The following TMEM218 variants were observed in gnomAD, a reference collection of about 807,000 sequenced individuals.
TMEM218 encodes the protein transmembrane protein 218.
TMEM218 carries 8 observed loss-of-function variants against 10.0 expected under a neutral mutation model. The observed-to-expected ratio is 0.80, with a 90% CI of 0.47 to 1.44. The LOEUF (loss-of-function observed/expected upper bound fraction) is 1.44, where lower values mean the gene tolerates loss of function less well. Among genes scored for constraint, TMEM218 ranks in the 40% most tolerant of loss-of-function variants. The pLI is 0.00. For synonymous variants in TMEM218, 66 were observed against 63.5 expected (o/e 1.04, Z -0.18); for missense variants, 110 against 140.1 (o/e 0.79, Z 1.08).
chr11:125,105,813 T>G (rs1951992102), intron 1 of TMEM218, among the ~76,000 whole-genome samples: 1 of 150,286 alleles, frequency 6.7e-6, no homozygotes, highest in Non-Finnish European at 1.5e-5. Context: ...TCAGTGGGTG[T>G]GAGGTGGGTG....
chr11:125,098,875 T>A (rs1252237725), intron 4 of TMEM218, among the ~76,000 whole-genome samples: 1 of 152,090 alleles, frequency 6.6e-6, no homozygotes, highest in Non-Finnish European at 1.5e-5. Context: ...TCACTGGCTC[T>A]GAAGATGGAG....
chr11:125,095,225 G>A lies in TMEM218; in HGVS notation c.*2381C>T, dbSNP rs1293683920. Among the ~76,000 whole-genome samples the A allele has an allele frequency of 6.6e-6, 1 of 152,126 alleles. No homozygotes were observed. Among genetic ancestry groups the A allele is most frequent in the Non-Finnish European group, 1.5e-5 (1 of 68,008 alleles). ...ACTCTCCCTCTCCACCTTCTAAACA[G>A]TGGGGATCACCAGTCTGCCACAGGA... On this transcript the variant is annotated 3_prime_UTR_variant, in exon 5 of 5. Coordinates refer to ENST00000682305, the MANE Select transcript of TMEM218 (RefSeq NM_001258244.2).
At chr11:125,110,369 A>G (rs981929376) in intron 1 of TMEM218, 42 of 152,224 alleles carry the variant, frequency 2.8e-4, no homozygotes, top group African/African-American at 9.9e-4. Flanking sequence ...GCAGCTGACA[A>G]CAAAAGCAAC....
intron 1 of TMEM218, among the ~76,000 whole-genome samples, chr11:125,107,590 C>T (rs1376015062): frequency 6.6e-6 from 1 of 151,926 alleles, no homozygotes; most frequent in African/African-American, 2.4e-5. Flanking sequence ...TATATGCATA[C>T]ACACGTAGCA....
In TMEM218 at chr11:125,102,152, G is replaced by A; in HGVS notation, c.90C>T (p.Ser30=). ...CTTACCTCGCCGCCCCGGAGGCTCTGGACAGCAGCACACACAGCAGCAGCA... is the reference window on the plus strand; with the variant it reads ...CTTACCTCGCCGCCCCGGAGGCTCTAGACAGCAGCACACACAGCAGCAGCA... ...VAVLLLCVLL[S]RASGAARFSV... The change falls in exon 3 of 5, where the codon TCC becomes TCT. Residue 30 remains serine (S), a synonymous_variant. Transcript: ENST00000682305. 1 of 1,595,438 alleles carries A rather than the reference G, an allele frequency of 6.3e-7. No homozygotes were observed. The highest frequency in any genetic ancestry group is 8.5e-7 in the Non-Finnish European group (1 of 1,172,536).
chr11:125,110,717 C>T (rs367915245), intron 1 of TMEM218: 20 of 152,312 alleles, frequency 1.3e-4, no homozygotes, highest in African/African-American at 4.8e-4. Flanking sequence ...ATATCTCACC[C>T]ATCCCCCGAT....
chr11:125,100,760 C>T (rs1266665563), intron 4 of TMEM218, among the ~76,000 whole-genome samples: 1 of 152,296 alleles, frequency 6.6e-6, no homozygotes, highest in Admixed American at 6.5e-5. Flanking sequence ...AGAAGCATGT[C>T]CTCAGCACCC....
intron 3 of TMEM218, 70 bp downstream of exon 3, chr11:125,102,061 GT>G: frequency 2.1e-6 from 3 of 1,439,892 alleles, no homozygotes; most frequent in Non-Finnish European, 2.7e-6. Flanking sequence ...AATTCTAAAT[GT>G]TTAGTGAGCA....
rs1443686582 is a variant in TMEM218, at chr11:125,096,130, C to T, written c.*1476G>A. On this transcript the variant is annotated 3_prime_UTR_variant, in exon 5 of 5. Coordinates refer to ENST00000682305, the MANE Select transcript of TMEM218 (RefSeq NM_001258244.2). ...TCCTTTGAAGTTTTCTGTACAAAGC[C>T]TTATCTGCAAAGTTTTTCCAAACTA... 6.6e-6 allele frequency among the ~76,000 whole-genome samples: 1 copy of T among 152,134 alleles called. No individual in the cohort carries two copies. The highest frequency in any genetic ancestry group is 1.5e-5 in the Non-Finnish European group (1 of 68,026).
Position 125,101,156 on chromosome 11 carries a change from A to G in TMEM218, c.213+45T>C, listed in dbSNP as rs77509816. The G allele has an allele frequency of 3.8e-3, 5,820 of 1,529,134 alleles. 179 individuals are homozygous for G. The African/African-American group carries it at 0.067, about 18-fold the overall frequency. 94.7% of individuals were successfully genotyped at this position (1,529,134 alleles called of 1,614,324 possible). A position where few individuals can be genotyped will look rare whatever the true frequency, so the allele number is the denominator to read the frequency against. On this transcript the variant is annotated intron_variant, in intron 4 of 4. Coordinates refer to ENST00000682305, the MANE Select transcript of TMEM218 (RefSeq NM_001258244.2). ...AGGACGGATGTGCAGACCAAGAGAA[A>G]TAAGAATCACAGCTCAGGAGGCAAA...
At chr11:125,106,282 A>G (rs986474109) in intron 1 of TMEM218, among the ~76,000 whole-genome samples, 1 of 152,212 alleles carries the variant, frequency 6.6e-6, no homozygotes, top group Non-Finnish European at 1.5e-5. Context: ...AAAATAAAAT[A>G]TAAGCTATGA....
rs1221207997 is a variant in TMEM218, at chr11:125,094,757, G to A, written c.*2849C>T. 1.3e-5 allele frequency among the ~76,000 whole-genome samples: 2 copies of A among 152,172 alleles called. No homozygotes were observed. Among genetic ancestry groups the A allele is most frequent in the African/African-American group, 2.4e-5 (1 of 41,438 alleles). ...TCTGTTAAATAACAGAACAAAAAAT[G>A]GATTGCTTTATGTTAGAATAAAAAC... On this transcript the variant is annotated 3_prime_UTR_variant, in exon 5 of 5. Transcript: ENST00000682305.
chr11:125,103,459 A>G (rs1591396310), intron 1 of TMEM218: 1 of 152,278 alleles, frequency 6.6e-6, no homozygotes, highest in Non-Finnish European at 1.5e-5. Context: ...ATCTTCTGGT[A>G]GCTCCAGGCA....
chr11:125,102,547 T>G, intron 2 of TMEM218, 187 bp downstream of exon 2: 3 of 1,393,686 alleles, frequency 2.2e-6, no homozygotes, highest in Non-Finnish European at 2.8e-6. Flanking sequence ...TCTGAGTGTT[T>G]CCTTTCAAAT....
At chr11:125,102,626 T>C (rs2155665) in intron 2 of TMEM218, 108 bp downstream of exon 2, 1,003,740 of 1,300,026 alleles carry the variant, frequency 0.77, 389,279 homozygotes, top group African/African-American at 0.96. Flanking sequence ...TCTCTGAATA[T>C]AAAACCCTAC....
At chr11:125,100,378 C>T (rs1292631527) in intron 4 of TMEM218, among the ~76,000 whole-genome samples, 1 of 152,190 alleles carries the variant, frequency 6.6e-6, no homozygotes, top group East Asian at 1.9e-4. Context: ...CTATGTCATA[C>T]TACTTAGGGC....
At chr11:125,102,648 T>A in intron 2 of TMEM218, 86 bp downstream of exon 2, 1 of 1,295,012 alleles carries the variant, frequency 7.7e-7, no homozygotes, top group South Asian at 1.2e-5. Context: ...TAAGAACTGG[T>A]AGAAGACACC....
At chr11:125,103,234 A>G (rs1408226792) in intron 1 of TMEM218, 1 of 153,210 alleles carries the variant, frequency 6.5e-6, no homozygotes, top group Non-Finnish European at 1.5e-5. Context: ...TTCTCACAGG[A>G]GCACGAACCC....
chr11:125,102,559 T>C (rs1951065356), intron 2 of TMEM218, 175 bp downstream of exon 2: 1 of 1,368,664 alleles, frequency 7.3e-7, no homozygotes, highest in African/African-American at 1.5e-5. Flanking sequence ...CTTTCAAATT[T>C]GGTACCTGAG....
Sources: gnomAD v4.1 joint callset for allele counts (sites outside exome capture counted in the v4.1 genomes callset) on GRCh38, gnomAD v4.1.1 for gene constraint, MANE v1.5 for transcripts, NCBI Gene and HGNC (gene_info 2026-07-23, HGNC 2026-07-21) for gene names.